ERC2: variants seen among roughly 807,000 people sequenced by gnomAD.
ERC2 encodes the protein ELKS/RAB6-interacting/CAST family member 2.
Under a neutral mutation model 114.8 loss-of-function variants are expected in ERC2, and 42 were observed. That is an observed-to-expected ratio of 0.37 (90% CI 0.29 to 0.47). The LOEUF (loss-of-function observed/expected upper bound fraction) is 0.47. Ranked by LOEUF, ERC2 falls within the 20% of genes least tolerant of loss-of-function variation. The probability of loss-of-function intolerance (pLI) is 0.99; values close to 1 mark genes in which losing one functional copy is unlikely to be tolerated. For synonymous variants in ERC2, 454 were observed against 425.5 expected (o/e 1.07, Z -0.82); for missense variants, 939 against 1,150.7 (o/e 0.82, Z 2.66).
At chr3:55,561,105 T>C (rs1040730853) in intron 17 of ERC2, among the ~76,000 whole-genome samples, 1 of 151,562 alleles carries the variant, frequency 6.6e-6, no homozygotes, top group Middle Eastern at 3.2e-3. Flanking sequence ...CTTTAGATGA[T>C]GTCGGCACAG....
chr3:56,352,400 GT>G (rs984302335), intron 2 of ERC2, among the ~76,000 whole-genome samples: 6 of 152,152 alleles, frequency 3.9e-5, no homozygotes, highest in African/African-American at 1.4e-4. Context: ...CTCAAAGTGT[GT>G]GATTTGATTG....
At chr3:56,456,187 G>C (rs1051186283) in intron 1 of ERC2, among the ~76,000 whole-genome samples, 1 of 152,210 alleles carries the variant, frequency 6.6e-6, no homozygotes, top group Admixed American at 6.5e-5. Flanking sequence ...ATGGGATCAT[G>C]AAATTCCCAG....
intron 1 of ERC2, among the ~76,000 whole-genome samples, chr3:56,456,110 T>C (rs1227884862): frequency 1.3e-5 from 2 of 152,232 alleles, no homozygotes; most frequent in Admixed American, 6.5e-5. Flanking sequence ...CTAAGGTTTA[T>C]GGCAAAGACT....
chr3:55,784,303 T>C (rs1379865593), intron 14 of ERC2, among the ~76,000 whole-genome samples: 6 of 152,190 alleles, frequency 3.9e-5, no homozygotes, highest in Non-Finnish European at 7.3e-5. Flanking sequence ...ATTCATTTTA[T>C]AGGAGATTTA....
At chr3:56,446,625 C>CTTTTTTTTTTTTTTTTTTT (rs1318263302) in intron 1 of ERC2, among the ~76,000 whole-genome samples, 28 of 112,352 alleles carry the variant, frequency 2.5e-4, no homozygotes, top group Non-Finnish European at 3.2e-4. Flanking sequence ...TTTTTTTTTT[C>CTTTTTTTTTTTTTTTTTTT]TTTCTTTTTT....
chr3:56,395,527 G>C (rs2060274454), intron 2 of ERC2, among the ~76,000 whole-genome samples: 1 of 152,114 alleles, frequency 6.6e-6, no homozygotes, highest in African/African-American at 2.4e-5. Flanking sequence ...GCATGGTGCT[G>C]TCTTCGCAAT....
At chr3:55,738,884 T>C in intron 14 of ERC2, among the ~76,000 whole-genome samples, 1 of 152,098 alleles carries the variant, frequency 6.6e-6, no homozygotes. Context: ...CTACATTAGG[T>C]ATTTCCCTAA....
chr3:55,898,399 A>G (rs2063944666), intron 13 of ERC2, among the ~76,000 whole-genome samples: 1 of 152,182 alleles, frequency 6.6e-6, no homozygotes, highest in Non-Finnish European at 1.5e-5. Flanking sequence ...GAGAAGCAGT[A>G]TAGGGATAGT....
At chr3:55,972,118 A>C (rs1024722458) in intron 12 of ERC2, among the ~76,000 whole-genome samples, 7 of 152,106 alleles carry the variant, frequency 4.6e-5, no homozygotes, top group African/African-American at 1.7e-4. Context: ...ATCCAACAAA[A>C]TATTTCTGAA....
At chr3:56,111,825 T>A (rs2078978496) in intron 6 of ERC2, among the ~76,000 whole-genome samples, 1 of 152,248 alleles carries the variant, frequency 6.6e-6, no homozygotes, top group African/African-American at 2.4e-5. Context: ...CAGCAGTTGC[T>A]TGGCTCGGCC....
At chr3:55,603,334 A>C (rs553241231) in intron 17 of ERC2, among the ~76,000 whole-genome samples, 4 of 152,306 alleles carry the variant, frequency 2.6e-5, no homozygotes, top group African/African-American at 7.2e-5. Flanking sequence ...AGAAGTCCTA[A>C]ATTTTTAAGA....
At chr3:56,033,821 G>T (rs185262994) in intron 7 of ERC2, among the ~76,000 whole-genome samples, 1 of 151,766 alleles carries the variant, frequency 6.6e-6, no homozygotes, top group East Asian at 1.9e-4. Context: ...TCAAAGGCAG[G>T]GTCTTGCTCT....
chr3:56,113,753 A>G (rs1330358022), intron 6 of ERC2, among the ~76,000 whole-genome samples: 1 of 152,140 alleles, frequency 6.6e-6, no homozygotes, highest in East Asian at 1.9e-4. Flanking sequence ...CCCACTTCAG[A>G]TGCCAATTGC....
At chr3:56,379,373 A>T (rs2059665168) in intron 2 of ERC2, among the ~76,000 whole-genome samples, 1 of 152,230 alleles carries the variant, frequency 6.6e-6, no homozygotes, top group South Asian at 2.1e-4. Flanking sequence ...AACCTGGTGT[A>T]GCTTCTATTC....
intron 3 of ERC2, among the ~76,000 whole-genome samples, chr3:56,225,244 T>G (rs1355622642): frequency 2.0e-5 from 3 of 150,678 alleles, no homozygotes; most frequent in African/African-American, 7.3e-5. Flanking sequence ...GGGGAAAAAA[T>G]GAAAAAAGGG....
chr3:55,769,136 A>G (rs1169547732), intron 14 of ERC2, among the ~76,000 whole-genome samples: 2 of 152,194 alleles, frequency 1.3e-5, no homozygotes, highest in Admixed American at 6.5e-5. Context: ...CGAAGGCTCC[A>G]GCATACAAAG....
chr3:55,962,106 TA>T (rs1190728343), intron 12 of ERC2, among the ~76,000 whole-genome samples: 5 of 152,084 alleles, frequency 3.3e-5, no homozygotes, highest in Non-Finnish European at 1.5e-5. Context: ...TTTTCAAAAT[TA>T]AACTGGAAAT....
At chr3:56,071,197 C>T (rs1378912186) in intron 7 of ERC2, among the ~76,000 whole-genome samples, 3 of 152,160 alleles carry the variant, frequency 2.0e-5, no homozygotes, top group Non-Finnish European at 4.4e-5. Context: ...TATTGGATGG[C>T]TGGACAGCAG....
chr3:55,948,853 G>T (rs531314014), intron 13 of ERC2, among the ~76,000 whole-genome samples: 1 of 152,146 alleles, frequency 6.6e-6, no homozygotes, highest in South Asian at 2.1e-4. Flanking sequence ...TAAACAAATC[G>T]TTTTTAATGT....
Sources: gnomAD v4.1 joint callset for allele counts (sites outside exome capture counted in the v4.1 genomes callset) on GRCh38, gnomAD v4.1.1 for gene constraint, MANE v1.5 for transcripts, NCBI Gene and HGNC (gene_info 2026-07-23, HGNC 2026-07-21) for gene names.